Variants in KATNAL1 observed in about 807,000 individuals in gnomAD.
KATNAL1 encodes katanin p60 ATPase-containing subunit A-like 1.
Under a neutral mutation model 55.2 loss-of-function variants are expected in KATNAL1, and 32 were observed. The observed-to-expected ratio is 0.58, with a 90% CI of 0.44 to 0.78. KATNAL1 has a LOEUF of 0.78. Ranked by LOEUF, KATNAL1 falls within the 30% of genes least tolerant of loss-of-function variation. KATNAL1 has a pLI of 0.00. For synonymous variants in KATNAL1, 193 were observed against 193.6 expected (o/e 1.00, Z 0.02); for missense variants, 466 against 600.9 (o/e 0.78, Z 2.35).
intron 3 of KATNAL1, among the ~76,000 whole-genome samples, chr13:30,269,873 C>T (rs1459948548): frequency 1.4e-4 from 22 of 151,846 alleles, no homozygotes; most frequent in South Asian, 4.2e-4. Context: ...AGCGTCTCCG[C>T]CCGGCAGCCA....
At chr13:30,229,911 A>G (rs1875913440) in intron 8 of KATNAL1, among the ~76,000 whole-genome samples, 1 of 151,374 alleles carries the variant, frequency 6.6e-6, no homozygotes, top group African/African-American at 2.4e-5. Context: ...GTTTATGAAA[A>G]GTATGTTTTC....
At chr13:30,229,531 G>C (rs932087297) in intron 8 of KATNAL1, among the ~76,000 whole-genome samples, 9 of 152,070 alleles carry the variant, frequency 5.9e-5, no homozygotes, top group African/African-American at 1.4e-4. Flanking sequence ...TACAGCCTGG[G>C]AAACATGGAG....
intron 3 of KATNAL1, among the ~76,000 whole-genome samples, chr13:30,274,809 A>G (rs991819460): frequency 6.6e-5 from 10 of 152,168 alleles, no homozygotes; most frequent in African/African-American, 2.4e-4. Flanking sequence ...AAATATGGAA[A>G]CAAACTAAAC....
intron 1 of KATNAL1, among the ~76,000 whole-genome samples, chr13:30,303,050 G>C (rs1469602619): frequency 6.6e-6 from 1 of 152,098 alleles, no homozygotes; most frequent in Non-Finnish European, 1.5e-5. Flanking sequence ...ATATTAAAAA[G>C]AATAAGATTT....
chr13:30,258,574 T>A (rs1878976931), intron 3 of KATNAL1, among the ~76,000 whole-genome samples: 1 of 152,234 alleles, frequency 6.6e-6, no homozygotes, highest in South Asian at 2.1e-4. Flanking sequence ...GTAAGTCCAA[T>A]TTATCAATAT....
intron 3 of KATNAL1, among the ~76,000 whole-genome samples, chr13:30,274,899 GCGCGCGCGCACACACACACACA>G (rs1213199909): frequency 2.0e-4 from 22 of 112,374 alleles, no homozygotes; most frequent in South Asian, 8.8e-4. Flanking sequence ...ATACGCGCGC[GCGCGCGCGCACACACACACACA>G]CACACACACA....
chr13:30,306,198 T>C (rs1267666780), intron 1 of KATNAL1, among the ~76,000 whole-genome samples: 2 of 152,218 alleles, frequency 1.3e-5, no homozygotes, highest in Non-Finnish European at 2.9e-5. Context: ...CTGTGTCAGC[T>C]TCCTTTACCA....
chr13:30,205,888 C>T lies in KATNAL1; in HGVS notation c.*2652G>A, dbSNP rs1162630413. ...CTGTCTCACGCCTGTAATCCTAGCA[C>T]TCATTCTGGGTAAGGCAACACACTG... On this transcript the variant is annotated 3_prime_UTR_variant, in exon 11 of 11. Coordinates refer to ENST00000380615, the MANE Select transcript of KATNAL1 (RefSeq NM_032116.5). 1.5e-5 allele frequency: 2 copies of T among 136,196 alleles called. No individual in the cohort carries two copies. The highest frequency in any genetic ancestry group is 5.4e-5 in the African/African-American group (2 of 36,898). The allele number at this position is 136,196 out of a possible 1,614,324, so 8.4% of individuals were successfully genotyped here.
chr13:30,259,149 T>C (rs1030195168), intron 3 of KATNAL1, among the ~76,000 whole-genome samples: 1 of 152,084 alleles, frequency 6.6e-6, no homozygotes, highest in Non-Finnish European at 1.5e-5. Flanking sequence ...AGACCAGCCA[T>C]GCCAACATGG....
At chr13:30,304,367 T>C (rs920758913) in intron 1 of KATNAL1, among the ~76,000 whole-genome samples, 11 of 151,982 alleles carry the variant, frequency 7.2e-5, no homozygotes, top group African/African-American at 2.7e-4. Flanking sequence ...CCTCCTGGGT[T>C]CAAGCTATTC....
chr13:30,279,888 T>C (rs533736026), intron 3 of KATNAL1, among the ~76,000 whole-genome samples, 175 bp downstream of exon 3: 1 of 152,362 alleles, frequency 6.6e-6, no homozygotes, highest in South Asian at 2.1e-4. Flanking sequence ...TAACAAGTCA[T>C]TTACTTCTGT....
intron 3 of KATNAL1, among the ~76,000 whole-genome samples, chr13:30,268,341 T>G (rs1879942937): frequency 6.6e-6 from 1 of 152,188 alleles, no homozygotes. Flanking sequence ...CTCAATAACT[T>G]TGATAAGAGA....
chr13:30,210,917 T>C (rs1873635136), intron 9 of KATNAL1, among the ~76,000 whole-genome samples: 1 of 152,190 alleles, frequency 6.6e-6, no homozygotes, highest in African/African-American at 2.4e-5. Context: ...TTAAAGAACA[T>C]TTCCTGAAAA....
chr13:30,232,075 C>T (rs187266340), intron 6 of KATNAL1, among the ~76,000 whole-genome samples: 1 of 152,152 alleles, frequency 6.6e-6, no homozygotes, highest in East Asian at 1.9e-4. Context: ...AGAACCAGTA[C>T]AGAATAAAAA....
chr13:30,298,374 T>C (rs1882658966), intron 1 of KATNAL1, among the ~76,000 whole-genome samples: 2 of 152,244 alleles, frequency 1.3e-5, no homozygotes, highest in South Asian at 4.1e-4. Flanking sequence ...TATCCCATTA[T>C]ATAGACATAC....
At chr13:30,301,258 T>A (rs577457529) in intron 1 of KATNAL1, among the ~76,000 whole-genome samples, 51 of 152,208 alleles carry the variant, frequency 3.4e-4, no homozygotes, top group African/African-American at 1.2e-3. Context: ...TGGTCCCAGC[T>A]ACTCAGGAGG....
chr13:30,264,312 A>G lies in KATNAL1; in HGVS notation c.324-8697T>C, dbSNP rs903129018. Among the ~76,000 whole-genome samples the G allele has an allele frequency of 1.1e-4, 15 of 140,764 alleles. 1 individual carries two copies. Among genetic ancestry groups the G allele is most frequent in the Non-Finnish European group, 1.6e-4 (10 of 64,480 alleles). 92.3% of individuals were successfully genotyped at this position (140,764 alleles called of 152,430 possible). A position where few individuals can be genotyped will look rare whatever the true frequency, so the allele number is the denominator to read the frequency against. ...AGGCATTACCATTCAGGACATAGGC[A>G]TGGGCAAGGACTTCATGTCTAAAAC... On this transcript the variant is annotated intron_variant, in intron 3 of 10. Transcript: ENST00000380615.
At chr13:30,299,942 A>G (rs1465975215) in intron 1 of KATNAL1, among the ~76,000 whole-genome samples, 4 of 151,846 alleles carry the variant, frequency 2.6e-5, no homozygotes, top group African/African-American at 9.7e-5. Flanking sequence ...TACATCTCCA[A>G]CCTTTCTGTT....
chr13:30,291,824 T>C (rs1339356586), intron 1 of KATNAL1, among the ~76,000 whole-genome samples: 1 of 151,804 alleles, frequency 6.6e-6, no homozygotes, highest in African/African-American at 2.4e-5. Context: ...TCACCTAAGG[T>C]TGAGAGTTCA....
Sources: allele counts gnomAD v4.1 joint callset (sites outside exome capture counted in the v4.1 genomes callset), GRCh38; gene constraint gnomAD v4.1.1; transcripts MANE v1.5; gene names NCBI Gene and HGNC (gene_info 2026-07-23, HGNC 2026-07-21).